The following NRXN1 variants were observed in gnomAD, a reference collection of about 807,000 sequenced individuals.
NRXN1 encodes neurexin-1.
Under a neutral mutation model 150.9 loss-of-function variants are expected in NRXN1, and 39 were observed. The ratio of observed to expected loss-of-function variants is 0.26; its 90% CI spans 0.20 to 0.34. The LOEUF (loss-of-function observed/expected upper bound fraction) is 0.34, where lower values mean the gene tolerates loss of function less well. Among genes scored for constraint, NRXN1 ranks in the 10% least tolerant of loss-of-function variants. The pLI, the probability that NRXN1 is intolerant of heterozygous loss-of-function variation, is 1.00. For synonymous variants in NRXN1, 924 were observed against 757.0 expected (o/e 1.22, Z -3.62); for missense variants, 1,815 against 1,949.9 (o/e 0.93, Z 1.30).
At chr2:50,008,498 G>C (rs1198908307) in intron 21 of NRXN1, among the ~76,000 whole-genome samples, 2 of 139,526 alleles carry the variant, frequency 1.4e-5, no homozygotes, top group Non-Finnish European at 3.1e-5. Flanking sequence ...ATGGAGTCTT[G>C]CTCTGTCACC....
chr2:50,463,454 A>G (rs2088465795), intron 17 of NRXN1, among the ~76,000 whole-genome samples: 1 of 151,842 alleles, frequency 6.6e-6, no homozygotes, highest in Non-Finnish European at 1.5e-5. Context: ...AAATGCATGT[A>G]TTCTGAGAGC....
At chr2:50,487,748 A>G (rs1410160231) in intron 15 of NRXN1, among the ~76,000 whole-genome samples, 1 of 152,200 alleles carries the variant, frequency 6.6e-6, no homozygotes, top group Non-Finnish European at 1.5e-5. Flanking sequence ...AATGATAGTG[A>G]CATTCCCTTT....
At chr2:50,504,139 C>CAAAAAAAAA (rs2092099812) in intron 13 of NRXN1, among the ~76,000 whole-genome samples, 1 of 30,190 alleles carries the variant, frequency 3.3e-5, no homozygotes, top group African/African-American at 1.5e-4. Context: ...AACATGACAA[C>CAAAAAAAAA]TAAAAAAAAA....
At chr2:50,807,862 T>A (rs1026327194) in intron 5 of NRXN1, among the ~76,000 whole-genome samples, 1 of 152,174 alleles carries the variant, frequency 6.6e-6, no homozygotes, top group South Asian at 2.1e-4. Context: ...GTAGATACAA[T>A]TGTCACCTGT....
At chr2:50,943,255 C>T (rs1435942845) in intron 2 of NRXN1, among the ~76,000 whole-genome samples, 1 of 152,178 alleles carries the variant, frequency 6.6e-6, no homozygotes, top group Non-Finnish European at 1.5e-5. Flanking sequence ...CAGCTCCTTA[C>T]AGCAGTGTAA....
intron 19 of NRXN1, among the ~76,000 whole-genome samples, chr2:50,082,982 G>A (rs1353693128): frequency 6.6e-6 from 1 of 151,580 alleles, no homozygotes; most frequent in East Asian, 1.9e-4. Context: ...TGTTTTGGGG[G>A]CAAAAAATCA....
chr2:50,320,957 T>G (rs1422952159), intron 17 of NRXN1, among the ~76,000 whole-genome samples: 1 of 152,146 alleles, frequency 6.6e-6, no homozygotes, highest in Non-Finnish European at 1.5e-5. Flanking sequence ...AGCCTGAAAG[T>G]TGTGTAGGAA....
intron 5 of NRXN1, among the ~76,000 whole-genome samples, chr2:50,750,597 T>TA (rs1700491882): frequency 1.3e-5 from 2 of 151,846 alleles, no homozygotes; most frequent in East Asian, 1.9e-4. Flanking sequence ...ATAATAATAA[T>TA]AAAAAAAGAA....
intron 21 of NRXN1, among the ~76,000 whole-genome samples, chr2:50,043,550 C>T (rs772546306): frequency 1.3e-5 from 2 of 152,122 alleles, no homozygotes; most frequent in Admixed American, 6.5e-5. Context: ...TTGGAAGAAA[C>T]TTATATTCCC....
chr2:50,587,003 A>G (rs1673230427), intron 8 of NRXN1, among the ~76,000 whole-genome samples: 1 of 152,140 alleles, frequency 6.6e-6, no homozygotes, highest in South Asian at 2.1e-4. Flanking sequence ...AAGAAAGAAA[A>G]TACTAGAAAG....
At chr2:50,128,854 G>A (rs1274016778) in intron 18 of NRXN1, among the ~76,000 whole-genome samples, 7 of 151,716 alleles carry the variant, frequency 4.6e-5, no homozygotes, top group African/African-American at 1.7e-4. Context: ...ATGGTGGCGG[G>A]CGCCTGTAAT....
intron 19 of NRXN1, among the ~76,000 whole-genome samples, chr2:50,059,688 C>T (rs1196599994): frequency 2.0e-5 from 3 of 152,088 alleles, no homozygotes; most frequent in Non-Finnish European, 4.4e-5. Context: ...CTGGGTCTTG[C>T]TGTTTGTGCA....
intron 17 of NRXN1, among the ~76,000 whole-genome samples, chr2:50,285,873 A>AAC (rs2072092660): frequency 6.6e-6 from 1 of 151,922 alleles, no homozygotes; most frequent in South Asian, 2.1e-4. Context: ...AAAAACAAAA[A>AAC]AAAAACTTGA....
At chr2:50,672,390 T>C (rs529271335) in intron 5 of NRXN1, among the ~76,000 whole-genome samples, 2 of 152,166 alleles carry the variant, frequency 1.3e-5, no homozygotes, top group African/African-American at 4.8e-5. Flanking sequence ...CAAATGTGGC[T>C]ATGCTTTATT....
chr2:50,631,622 G>C (rs921537988), intron 5 of NRXN1, among the ~76,000 whole-genome samples: 2 of 151,874 alleles, frequency 1.3e-5, no homozygotes, highest in African/African-American at 4.8e-5. Flanking sequence ...TTCTGCAAAA[G>C]AAAATAGGAC....
At chr2:50,664,763 G>T (rs1172531980) in intron 5 of NRXN1, among the ~76,000 whole-genome samples, 2 of 150,146 alleles carry the variant, frequency 1.3e-5, no homozygotes, top group African/African-American at 4.9e-5. Context: ...AATAAAAGAT[G>T]GAGTTAACAT....
chr2:50,765,525 G>A (rs552218762), intron 5 of NRXN1, among the ~76,000 whole-genome samples: 4 of 152,164 alleles, frequency 2.6e-5, no homozygotes, highest in African/African-American at 9.6e-5. Flanking sequence ...TAAACAGTGC[G>A]TTGGTATGAA....
intron 2 of NRXN1, among the ~76,000 whole-genome samples, chr2:51,021,312 T>C (rs1669573268): frequency 6.6e-6 from 1 of 151,930 alleles, no homozygotes; most frequent in African/African-American, 2.4e-5. Flanking sequence ...TCAGTACATA[T>C]TTATAGGAGT....
intron 5 of NRXN1, among the ~76,000 whole-genome samples, chr2:50,745,739 T>C (rs1471159989): frequency 6.6e-6 from 1 of 152,028 alleles, no homozygotes; most frequent in East Asian, 1.9e-4. Context: ...GAGAACCGAT[T>C]AAAGGGGGAA....
Sources: gnomAD v4.1 joint callset for allele counts (sites outside exome capture counted in the v4.1 genomes callset) on GRCh38, gnomAD v4.1.1 for gene constraint, MANE v1.5 for transcripts, NCBI Gene and HGNC (gene_info 2026-07-23, HGNC 2026-07-21) for gene names.